GIN1: variants seen among roughly 807,000 people sequenced by gnomAD.
GIN1 encodes gypsy retrotransposon integrase 1, also known as gypsy retrotransposon integrase-like protein 1.
GIN1 carries 41 observed loss-of-function variants against 51.4 expected under a neutral mutation model. That is an observed-to-expected ratio of 0.80 (90% CI 0.62 to 1.04). The LOEUF (loss-of-function observed/expected upper bound fraction) is 1.04. GIN1 is among the 50% of genes least tolerant of loss of function. GIN1 has a pLI of 0.00. For synonymous variants in GIN1, 222 were observed against 206.5 expected (o/e 1.07, Z -0.64); for missense variants, 610 against 612.4 (o/e 1.00, Z 0.04).
At chr5:103,112,800 T>G (rs1433866551) in intron 1 of GIN1, among the ~76,000 whole-genome samples, 1 of 152,120 alleles carries the variant, frequency 6.6e-6, no homozygotes, top group African/African-American at 2.4e-5. Flanking sequence ...CCATATAACC[T>G]TGAATTTGCT....
At chr5:103,095,791 G>T (rs1787375291) in intron 7 of GIN1, among the ~76,000 whole-genome samples, 1 of 152,086 alleles carries the variant, frequency 6.6e-6, no homozygotes, top group South Asian at 2.1e-4. Flanking sequence ...GGGCATGGTG[G>T]CATGTGCCTA....
In GIN1 at chr5:103,086,343, G is replaced by A. The variant is rs1787075188; in HGVS notation, c.*1555C>T. 2 of 152,144 alleles carry A rather than the reference G, an allele frequency of 1.3e-5. No individual in the cohort carries two copies. The highest frequency in any genetic ancestry group is 4.8e-5 in the African/African-American group (2 of 41,418). The allele number at this position is 152,144 out of a possible 1,614,324, so 9.4% of individuals were successfully genotyped here. On this transcript the variant is annotated 3_prime_UTR_variant, in exon 8 of 8. Transcript: ENST00000399004. Reference sequence around the variant, plus strand: ...TTTCCAAATAAGGTCACATTTTGAGGTGGTGGGGGTTAAGACTTCAACACA... The same window carrying A: ...TTTCCAAATAAGGTCACATTTTGAGATGGTGGGGGTTAAGACTTCAACACA...
rs782324700 is a variant in GIN1 at position 103,104,702 on chromosome 5, A to G, written c.478T>C (p.Tyr160His). Residue 160 changes from tyrosine to histidine, a missense_variant, in exon 4 of 8, where the codon TAT (tyrosine) becomes CAT (histidine). By Grantham distance (83) the Tyr-to-His change is moderately conservative. Coordinates refer to ENST00000399004, the MANE Select transcript of GIN1 (RefSeq NM_017676.2). ...AACAAATCTGTCATGATTATAGCAT[A>G]TACATGACTTCTGTTGCTTGTATGA... ...PFHTSNRSHV[Y>H]AIIMTDLFTK... is the part of the protein sequence containing the mutation. 2 of 1,613,276 alleles carry G rather than the reference A, an allele frequency of 1.2e-6. No homozygotes were observed. The highest frequency in any genetic ancestry group is 1.7e-6 in the Non-Finnish European group (2 of 1,179,242).
chr5:103,103,985 G>C (rs139140925), intron 4 of GIN1, among the ~76,000 whole-genome samples: 31 of 151,804 alleles, frequency 2.0e-4, no homozygotes, highest in Non-Finnish European at 2.9e-4. Context: ...ATGGAGTCTC[G>C]CTCTGTCGCT....
chr5:103,106,737 C>T lies in GIN1; in HGVS notation c.312G>A (p.Val104=). The change falls in exon 3 of 8, where the codon GTG becomes GTA. Residue 104 remains valine, a synonymous_variant. Transcript: ENST00000399004. The stretch of plus-strand genomic sequence containing the variant: ...ATACCCACTGTTTGACATCATTGGT[C>T]ACAGATGTCCAATAATAATTGGATT... The part of the protein sequence containing the change: ...LVESNYYWTS[V]TNDVKQWVYA... 2 of 1,593,744 alleles carry T rather than the reference C, an allele frequency of 1.3e-6. No individual in the cohort carries two copies. Among genetic ancestry groups the T allele is most frequent in the Non-Finnish European group, 1.7e-6 (2 of 1,168,892 alleles).
intron 1 of GIN1, among the ~76,000 whole-genome samples, chr5:103,118,148 A>C (rs1447461733): frequency 3.9e-5 from 6 of 152,190 alleles, no homozygotes; most frequent in African/African-American, 1.4e-4. Context: ...GAGAATTAAA[A>C]ATTATAGCAA....
In GIN1 at chr5:103,097,720, C is replaced by A; in HGVS notation, c.701G>T (p.Gly234Val). The A allele has an allele frequency of 6.3e-7, 1 of 1,590,048 alleles. No individual in the cohort carries two copies. The highest frequency in any genetic ancestry group is 1.1e-5 in the South Asian group (1 of 90,628). ...TGTACTTTCCGTTGGGTTAACAGTT[C>A]CAGAGGTGTGAGAAATTACAATTTG... ...IKQIVISHTS[G>V]TVNPTESTPN... Residue 234 changes from glycine (G) to valine (V), a missense_variant, in exon 5 of 8, where the codon GGA becomes GTA. Transcript: ENST00000399004.
At chr5:103,101,022 T>G (rs781883260) in intron 4 of GIN1, among the ~76,000 whole-genome samples, 5 of 152,218 alleles carry the variant, frequency 3.3e-5, no homozygotes, top group Admixed American at 2.0e-4. Context: ...CTATTTATAC[T>G]ATGTTTTCCC....
At chr5:103,105,919 G>A (rs1167171157) in intron 3 of GIN1, among the ~76,000 whole-genome samples, 1 of 152,088 alleles carries the variant, frequency 6.6e-6, no homozygotes, top group African/African-American at 2.4e-5. Context: ...TGCACAGCAG[G>A]AAAAATATAT....
At chr5:103,097,107 C>T (rs1787420108) in intron 6 of GIN1, among the ~76,000 whole-genome samples, 1 of 152,176 alleles carries the variant, frequency 6.6e-6, no homozygotes, top group Admixed American at 6.5e-5. Flanking sequence ...ATTCCAAAAT[C>T]CATAGCTTTC....
At chr5:103,106,262 T>A (rs1158001739) in intron 3 of GIN1, among the ~76,000 whole-genome samples, 2 of 152,144 alleles carry the variant, frequency 1.3e-5, no homozygotes, top group Admixed American at 1.3e-4. Context: ...TTGGTTATAT[T>A]TGGTTTTGGG....
intron 4 of GIN1, among the ~76,000 whole-genome samples, chr5:103,101,974 T>C (rs1294672404): frequency 6.6e-6 from 1 of 152,224 alleles, no homozygotes; most frequent in Non-Finnish European, 1.5e-5. Flanking sequence ...TACAAAATTA[T>C]CTTGCTTTAT....
chr5:103,119,950 CAATT>C (rs1554198288), intron 1 of GIN1, 110 bp downstream of exon 1: 4 of 153,646 alleles, frequency 2.6e-5, no homozygotes, highest in East Asian at 1.9e-4. Flanking sequence ...CCCACAGACT[CAATT>C]AAACCCTTCC....
At chr5:103,091,897 C>T (rs566249386) in intron 7 of GIN1, among the ~76,000 whole-genome samples, 6 of 151,740 alleles carry the variant, frequency 4.0e-5, no homozygotes, top group African/African-American at 9.7e-5. Context: ...TGGAGGTGGG[C>T]GCCTGTAATC....
Position 103,108,616 on chromosome 5 carries a change from CT to C in GIN1, c.91del (p.Ser31ValfsTer6), listed in dbSNP as rs1562334275. 6.2e-7 allele frequency: 1 copy of C among 1,605,632 alleles called. No homozygotes were observed. The highest frequency in any genetic ancestry group is 8.5e-7 in the Non-Finnish European group (1 of 1,173,640). Reference sequence around the variant, plus strand: ...TGCTCTTCTTATGCCACTTCTCTCACTTGGCAGTGTAGTTGAATGATATTCA... The same window carrying C: ...TGCTCTTCTTATGCCACTTCTCTCACTGGCAGTGTAGTTGAATGATATTCA... ...TGEYHSTTLP[S>X]ERSGIRRAAK... On this transcript the variant is annotated frameshift_variant, in exon 2 of 8. Transcript: ENST00000399004. LOFTEE classifies it high-confidence loss of function.
Position 103,096,825 on chromosome 5 carries a change from A to C in GIN1, c.1010T>G (p.Met337Arg). ...TAGTTCATCCAAATTGTTGTTCTCC[A>C]TCTACAAGTGTAAAAAGAAAAAGAA... is the stretch of plus-strand genomic sequence containing the variant. ...MENKTTSLGQ[M>R]ENNNLDELNK... Residue 337 changes from methionine (M) to arginine (R), a missense_variant and splice_region_variant, in exon 7 of 8, where the codon ATG becomes AGG. By Grantham distance (91) the Met-to-Arg change is moderately conservative (BLOSUM62 -1). Coordinates refer to ENST00000399004, the MANE Select transcript of GIN1 (RefSeq NM_017676.2). 1.3e-6 allele frequency: 2 copies of C among 1,570,050 alleles called. No individual in the cohort carries two copies. Among genetic ancestry groups the C allele is most frequent in the Non-Finnish European group, 1.7e-6 (2 of 1,144,000 alleles).
intron 7 of GIN1, among the ~76,000 whole-genome samples, chr5:103,092,094 T>C (rs1325191194): frequency 6.6e-6 from 1 of 151,766 alleles, no homozygotes; most frequent in Non-Finnish European, 1.5e-5. Flanking sequence ...TGTTGGCTCA[T>C]TGCAGCTCAG....
Position 103,110,318 on chromosome 5 carries a change from G to A in GIN1, c.-7-1604C>T, listed in dbSNP as rs1787841075. Among the ~76,000 whole-genome samples, 4 of 152,106 alleles carry A rather than the reference G, an allele frequency of 2.6e-5. No individual in the cohort carries two copies. The South Asian group carries it at 8.3e-4, about 32-fold the overall frequency. On this transcript the variant is annotated intron_variant, in intron 1 of 7. Coordinates refer to ENST00000399004, the MANE Select transcript of GIN1 (RefSeq NM_017676.2). The stretch of plus-strand genomic sequence containing the variant: ...AGTGAAAACATAGGACACGCATTGG[G>A]AGAAGATATCTGTAATACATATATC...
chr5:103,100,058 T>C (rs1299411366), intron 4 of GIN1, among the ~76,000 whole-genome samples: 3 of 152,142 alleles, frequency 2.0e-5, no homozygotes, highest in African/African-American at 7.2e-5. Context: ...GTTTTTTGTT[T>C]AAGCAATCTC....
Sources: allele counts gnomAD v4.1 joint callset (sites outside exome capture counted in the v4.1 genomes callset), GRCh38; gene constraint gnomAD v4.1.1; transcripts MANE v1.5; gene names NCBI Gene and HGNC (gene_info 2026-07-23, HGNC 2026-07-21).